KDM6B: variants seen among roughly 807,000 people sequenced by gnomAD.
KDM6B encodes lysine-specific demethylase 6B.
In KDM6B, 22 loss-of-function variants were observed where a neutral mutation model predicts 150.4. That is an observed-to-expected ratio of 0.15 (90% CI 0.10 to 0.21). KDM6B has a LOEUF of 0.21. KDM6B is among the 10% of genes least tolerant of loss of function. KDM6B has a pLI of 1.00. For synonymous variants in KDM6B, 1,148 were observed against 921.1 expected (o/e 1.25, Z -4.46); for missense variants, 1,984 against 2,234.3 (o/e 0.89, Z 2.26).
chr17:7,843,646 CG>C lies in KDM6B; in HGVS notation c.-268-1253del, dbSNP rs979053642. Among the ~76,000 whole-genome samples the C allele has an allele frequency of 5.3e-5, 8 of 152,134 alleles. No homozygotes were observed. Among genetic ancestry groups the C allele is most frequent in the African/African-American group, 1.9e-4 (8 of 41,436 alleles). The stretch of plus-strand genomic sequence containing the variant: ...CAGCCCCTCGTCGCGCACTCTCCCC[CG>C]GCTTCCTGCCCGGCGCTCGCTCCAG... On this transcript the variant is annotated intron_variant, in intron 2 of 23. Transcript: ENST00000448097. This position sits in a 1 kb window ranked among gnomAD's most constrained non-coding sequence, Gnocchi z 4.5.
rs1406567939 is a variant in KDM6B at position 7,847,845 on chromosome 17, C to T, written c.1557C>T (p.Leu519=). The T allele has an allele frequency of 6.4e-7, 1 of 1,557,596 alleles. No individual in the cohort carries two copies. Among genetic ancestry groups the T allele is most frequent in the Non-Finnish European group, 8.7e-7 (1 of 1,149,916 alleles). The change falls in exon 12 of 24, where the codon CTC becomes CTT. Residue 519 remains leucine (L), a synonymous_variant. Transcript: ENST00000448097. ...EGPPRPAPPP[L]PHREGFLGPP... The stretch of plus-strand genomic sequence containing the variant: ...CCCCCCGCCCTGCCCCACCACCCCT[C>T]CCCCATCGCGAGGGCTTCTTGGGGC...
intron 5 of KDM6B, 72 bp downstream of exon 5, chr17:7,845,763 T>C (rs1597833343): frequency 1.9e-6 from 3 of 1,608,046 alleles, no homozygotes; most frequent in East Asian, 4.5e-5. Context: ...TGTGTCATTC[T>C]CCATGGGTTC....
In KDM6B at chr17:7,847,377, C is replaced by T. The variant is rs202192559; in HGVS notation, c.1182C>T (p.Pro394=). Reference sequence around the variant, plus strand: ...CCCCTTCCCGGCCCCCTGGCCTCCCCGGCACCACCACCAGCAGCAGCAGTA... The same window carrying T: ...CCCCTTCCCGGCCCCCTGGCCTCCCTGGCACCACCACCAGCAGCAGCAGTA... ...PYAPSRPPGL[P]GTTTSSSSSS... The change falls in exon 11 of 24, where the codon CCC becomes CCT. Residue 394 remains proline (P), a synonymous_variant. Coordinates refer to ENST00000448097, the MANE Select transcript of KDM6B (RefSeq NM_001348716.2). 46 of 1,613,144 alleles carry T rather than the reference C, an allele frequency of 2.9e-5. No individual in the cohort carries two copies. The highest frequency in any genetic ancestry group is 4.5e-5 in the East Asian group (2 of 44,884).
At position 7,851,545 on chromosome 17, in the gene KDM6B, A is replaced by G; in HGVS notation, c.4012A>G (p.Lys1338Glu). 1 of 1,613,940 alleles carries G rather than the reference A, an allele frequency of 6.2e-7. No individual in the cohort carries two copies. Among genetic ancestry groups the G allele is most frequent in the Non-Finnish European group, 8.5e-7 (1 of 1,179,984 alleles). ...FGTNIDLSDA[K>E]RWKPQLQELL... ...CACCAACATCGACTTGTCTGATGCT[A>G]AGCGGTCAGTGGGGCTGAGGCCAGG... Residue 1338 changes from lysine to glutamate, a missense_variant, in exon 17 of 24, where the codon AAG (lysine) becomes GAG (glutamate). Physicochemically the swap from Lys to Glu is moderately conservative, Grantham distance 56. Coordinates refer to ENST00000448097, the MANE Select transcript of KDM6B (RefSeq NM_001348716.2).
chr17:7,839,045 C>G (rs1302358171), intron 1 of KDM6B, among the ~76,000 whole-genome samples: 10 of 152,048 alleles, frequency 6.6e-5, no homozygotes, highest in Non-Finnish European at 1.3e-4. Context: ...AGATTGGGAC[C>G]CCAAGTGTTT....
rs1395500107 is a variant in KDM6B, at chr17:7,849,434, C to T, written c.3146C>T (p.Ala1049Val). 2 of 1,612,212 alleles carry T rather than the reference C, an allele frequency of 1.2e-6. No individual in the cohort carries two copies. Among genetic ancestry groups the T allele is most frequent in the Admixed American group, 1.7e-5 (1 of 60,004 alleles). Reference protein sequence around the residue: ...GGASKAKPPTAPAPPSAPAPS... With the variant: ...GGASKAKPPTVPAPPSAPAPS... ...GCCTCCAAGGCCAAGCCACCCACAG[C>T]TCCAGCCCCTCCATCAGCTCCTGCA... The change falls in exon 12 of 24, where the codon GCT becomes GTT. Residue 1049 changes from alanine (A) to valine (V), a missense_variant. By Grantham distance (64) the Ala-to-Val change is moderately conservative (BLOSUM62 0). This residue lies in a region of KDM6B where 1,379 missense variants were observed against 1,275.6 expected (regional missense o/e 1.08). Transcript: ENST00000448097.
At position 7,853,877 on chromosome 17, in the gene KDM6B, C is replaced by G. The variant is rs982312444; in HGVS notation, c.*356C>G. The G allele has an allele frequency of 5.2e-6, 1 of 190,900 alleles. No individual in the cohort carries two copies. Among genetic ancestry groups the G allele is most frequent in the East Asian group, 1.4e-4 (1 of 7,194 alleles). The allele number at this position is 190,900 out of a possible 1,614,324, so 11.8% of individuals were successfully genotyped here. On this transcript the variant is annotated 3_prime_UTR_variant, in exon 24 of 24. Coordinates refer to ENST00000448097, the MANE Select transcript of KDM6B (RefSeq NM_001348716.2). ...TCACCCTGCCAGCCGCCCGCCCGCCCGGCGCAGATGCACGCGGCTCGTGTA... is the reference window on the plus strand; with the variant it reads ...TCACCCTGCCAGCCGCCCGCCCGCCGGGCGCAGATGCACGCGGCTCGTGTA...
In KDM6B at chr17:7,846,964, A is replaced by G. The variant is rs1241408952; in HGVS notation, c.857A>G (p.His286Arg). Residue 286 changes from histidine (H) to arginine (R), a missense_variant, in exon 10 of 24, where the codon CAT becomes CGT. His to Arg is a conservative substitution (Grantham distance 29). Transcript: ENST00000448097. ...AAGCCAGGGCTGTGGAGTACCCTGC[A>G]TGGAGATGCCTGGGGCCCAGAGCGC... ...LTKPGLWSTLHGDAWGPERKG... is the reference protein window; with the variant it reads ...LTKPGLWSTLRGDAWGPERKG... 9 of 1,607,446 alleles carry G rather than the reference A, an allele frequency of 5.6e-6. No individual in the cohort carries two copies. The highest frequency in any genetic ancestry group is 5.9e-6 in the Non-Finnish European group (7 of 1,178,382).
chr17:7,846,865 C>CACCACCATT lies in KDM6B; in HGVS notation c.765_766insTTACCACCA (p.Pro255_Pro256insLeuProPro). On this transcript the variant is annotated inframe_insertion, in exon 10 of 24. Transcript: ENST00000448097. Reference sequence around the variant, plus strand: ...CCACTGCCTCCACCACCATTACCACCACCACCACCACCACCACCACCACCA... The same window carrying CACCACCATT: ...CCACTGCCTCCACCACCATTACCACCACCACCATTACCACCACCACCACCACCACCACCA... 7.9e-7 allele frequency: 1 copy of CACCACCATT among 1,260,478 alleles called. No homozygotes were observed. 78.1% of individuals were successfully genotyped at this position (1,260,478 alleles called of 1,614,324 possible).
chr17:7,852,743 T>C, intron 21 of KDM6B, 107 bp downstream of exon 21: 2 of 1,505,948 alleles, frequency 1.3e-6, no homozygotes, highest in Non-Finnish European at 1.8e-6. Context: ...CTTGTCTGCC[T>C]GTGCCCCGAG....
chr17:7,847,474 AG>A (rs759091559), intron 11 of KDM6B, 22 bp downstream of exon 11: 35 of 1,613,292 alleles, frequency 2.2e-5, no homozygotes, highest in African/African-American at 2.7e-5. Flanking sequence ...CTGAGGGTGG[AG>A]GGGGGGATGG....
intron 11 of KDM6B, 41 bp downstream of exon 11, chr17:7,847,493 T>G: frequency 1.2e-6 from 2 of 1,613,420 alleles, no homozygotes; most frequent in Non-Finnish European, 1.7e-6. Flanking sequence ...TGGGTGGAGC[T>G]TGTCTTGAGG....
Position 7,848,990 on chromosome 17 carries a change from C to T in KDM6B, c.2702C>T (p.Pro901Leu). ...GPMTPTQPPP[P>L]LSLPPARSES... ...ATGACCCCCACCCAACCGCCCCCAC[C>T]CCTATCTCTGCCCCCTGCTCGCTCT... Residue 901 changes from proline (P) to leucine (L), a missense_variant, in exon 12 of 24, where the codon CCC becomes CTC. Pro to Leu is a moderately conservative substitution (Grantham distance 98). Around this residue, in one of 13 missense-constraint regions of KDM6B, gnomAD observed 1,379 missense variants for 1,275.6 expected, o/e 1.08. Transcript: ENST00000448097. The T allele has an allele frequency of 6.3e-7, 1 of 1,585,606 alleles. No individual in the cohort carries two copies. The highest frequency in any genetic ancestry group is 8.6e-7 in the Non-Finnish European group (1 of 1,164,508).
intron 1 of KDM6B, among the ~76,000 whole-genome samples, 179 bp from the exon 2 acceptor site, chr17:7,839,727 C>A (rs1436078860): frequency 6.6e-6 from 1 of 152,120 alleles, no homozygotes; most frequent in African/African-American, 2.4e-5. Flanking sequence ...GCCTGCTTCC[C>A]AAAGGGGAAG....
chr17:7,837,444 T>C lies in KDM6B; in HGVS notation c.-387-2462T>C, dbSNP rs369417955. ...TGCGGGTGAATCGGTTTGTAGCCTCTCACTTGGTGGAGGGGGACTCAGTTG... is the reference window on the plus strand; with the variant it reads ...TGCGGGTGAATCGGTTTGTAGCCTCCCACTTGGTGGAGGGGGACTCAGTTG... On this transcript the variant is annotated intron_variant, in intron 1 of 23. Transcript: ENST00000448097. Among the ~76,000 whole-genome samples the C allele has an allele frequency of 8.5e-5, 13 of 152,334 alleles. 1 individual carries two copies. The highest frequency in any genetic ancestry group is 3.1e-4 in the African/African-American group (13 of 41,576).
chr17:7,847,425 C>G lies in KDM6B; in HGVS notation c.1230C>G (p.Leu410=). ...GTAGCAGCAGCAGCAACACTGGTCT[C>G]CGGGGCGTGGAGCCGAACCCAGGCA... The part of the protein sequence containing the change: ...SSSSSSSNTG[L]RGVEPNPGIP... The change falls in exon 11 of 24, where the codon CTC becomes CTG. Residue 410 remains leucine, a synonymous_variant. Transcript: ENST00000448097. The G allele has an allele frequency of 6.2e-7, 1 of 1,613,682 alleles. No individual in the cohort carries two copies. The highest frequency in any genetic ancestry group is 8.5e-7 in the Non-Finnish European group (1 of 1,179,980).
At chr17:7,846,558 C>G (rs774140505) in intron 8 of KDM6B, 21 bp from the exon 9 acceptor site, 2 of 1,614,050 alleles carry the variant, frequency 1.2e-6, no homozygotes, top group Admixed American at 3.3e-5. Context: ...GCCATTTTCT[C>G]TTCTCTCTTT....
At position 7,851,040 on chromosome 17, in the gene KDM6B, C is replaced by G. The variant is rs778174037; in HGVS notation, c.3693C>G (p.Thr1231=). The change falls in exon 15 of 24, where the codon ACC becomes ACG. Residue 1231 remains threonine (T), a synonymous_variant. Coordinates refer to ENST00000448097, the MANE Select transcript of KDM6B (RefSeq NM_001348716.2). The part of the protein sequence containing the change: ...SLRLNLGLFS[T]KTLVEASGEH... ...TTCCAGACTTGGGCCTCTTCTCCACCAAGACCCTGGTGGAAGCGAGTGGCG... is the reference window on the plus strand; with the variant it reads ...TTCCAGACTTGGGCCTCTTCTCCACGAAGACCCTGGTGGAAGCGAGTGGCG... 6.2e-7 allele frequency: 1 copy of G among 1,610,184 alleles called. No homozygotes were observed. The highest frequency in any genetic ancestry group is 1.3e-5 in the African/African-American group (1 of 74,824).
In KDM6B at chr17:7,846,595, G is replaced by A. The variant is rs1198960531; in HGVS notation, c.566G>A (p.Gly189Glu). 1 of 1,614,114 alleles carries A rather than the reference G, an allele frequency of 6.2e-7. No individual in the cohort carries two copies. The highest frequency in any genetic ancestry group is 1.7e-5 in the Admixed American group (1 of 60,026). ...LLHLEHKRNY[G>E]AKRGGPPVKR... ...TGTTCTCAGCACAAACGGAACTATG[G>A]AGCCAAGCGGGGAGGTCCCCCGGTG... Residue 189 changes from glycine (G) to glutamate (E), a missense_variant, in exon 9 of 24, where the codon GGA (glycine) becomes GAA (glutamate). By Grantham distance (98) the Gly-to-Glu change is moderately conservative. This residue lies in a region of KDM6B where 337 missense variants were observed against 323.9 expected (regional missense o/e 1.04). Transcript: ENST00000448097.
Sources: gnomAD v4.1 joint callset for allele counts (sites outside exome capture counted in the v4.1 genomes callset) on GRCh38, gnomAD v4.1.1 for gene constraint, gnomAD v4.1.1 regional missense constraint, Gnocchi (gnomAD v3.1) non-coding constraint, MANE v1.5 for transcripts, NCBI Gene and HGNC (gene_info 2026-07-23, HGNC 2026-07-21) for gene names.